The following ZFYVE9 variants were observed in gnomAD, a reference collection of about 807,000 sequenced individuals.
The protein encoded by ZFYVE9 is zinc finger FYVE-type containing 9.
Under a neutral mutation model 126.7 loss-of-function variants are expected in ZFYVE9, and 43 were observed. The observed-to-expected ratio is 0.34, with a 90% confidence interval of 0.27 to 0.44. The LOEUF (loss-of-function observed/expected upper bound fraction) is 0.44. Ranked by LOEUF, ZFYVE9 falls within the 20% of genes least tolerant of loss-of-function variation. The pLI is 1.00. For synonymous variants in ZFYVE9, 521 were observed against 597.4 expected, an observed-to-expected ratio of 0.87 and a Z score of 1.87; for missense variants, 1,476 against 1,697.0, an observed-to-expected ratio of 0.87 and a Z score of 2.29.
chr1:52,255,896 CTTTTTTCTT>C (rs1557483902), intron 4 of ZFYVE9, among the ~76,000 whole-genome samples: 1 of 137,128 alleles, frequency 7.3e-6, no homozygotes, highest in Non-Finnish European at 1.6e-5. Flanking sequence ...AGCTATTTTG[CTTTTTTCTT>C]TTCTTTTCTT....
At chr1:52,193,211 A>G (rs1463135646) in intron 1 of ZFYVE9, among the ~76,000 whole-genome samples, 1 of 151,804 alleles carries the variant, frequency 6.6e-6, no homozygotes, top group Non-Finnish European at 1.5e-5. Context: ...TAAAGCCTGC[A>G]CTCTTCATCA....
intron 10 of ZFYVE9, among the ~76,000 whole-genome samples, chr1:52,287,446 G>A (rs1645873045): frequency 6.6e-6 from 1 of 151,990 alleles, no homozygotes; most frequent in South Asian, 2.1e-4. Context: ...GTGTTGTTAT[G>A]GTTTCAATGT....
At chr1:52,251,206 G>A (rs781091796) in intron 4 of ZFYVE9, among the ~76,000 whole-genome samples, 7 of 151,972 alleles carry the variant, frequency 4.6e-5, no homozygotes, top group Non-Finnish European at 7.4e-5. Flanking sequence ...TGAGTAGTTG[G>A]GATTACAGGC....
At chr1:52,240,024 A>G (rs1645318164) in intron 4 of ZFYVE9, among the ~76,000 whole-genome samples, 1 of 152,230 alleles carries the variant, frequency 6.6e-6, no homozygotes, top group African/African-American at 2.4e-5. Flanking sequence ...GAAAAATATT[A>G]CACATAGAAT....
chr1:52,275,175 G>T (rs1042867195), intron 8 of ZFYVE9, among the ~76,000 whole-genome samples: 1 of 152,176 alleles, frequency 6.6e-6, no homozygotes, highest in Non-Finnish European at 1.5e-5. Flanking sequence ...CTGAGGTTTG[G>T]GTTATGATTG....
chr1:52,340,352 C>T (rs761858296), intron 17 of ZFYVE9, 121 bp downstream of exon 17: 30 of 692,312 alleles, frequency 4.3e-5, no homozygotes, highest in Middle Eastern at 2.4e-4. Context: ...AAAAATCTTT[C>T]TCGTTTATAC....
At chr1:52,144,879 G>A (rs1341653911) in intron 1 of ZFYVE9, among the ~76,000 whole-genome samples, 1 of 152,038 alleles carries the variant, frequency 6.6e-6, no homozygotes, top group African/African-American at 2.4e-5. Context: ...ACCTTGCGAG[G>A]CTTTTAGGAT....
intron 10 of ZFYVE9, among the ~76,000 whole-genome samples, chr1:52,283,093 A>G (rs910503930): frequency 6.6e-6 from 1 of 152,158 alleles, no homozygotes; most frequent in Non-Finnish European, 1.5e-5. Context: ...TCCAAAATGT[A>G]TAGGGTTAAA....
chr1:52,175,991 C>G (rs1307889768), intron 1 of ZFYVE9, among the ~76,000 whole-genome samples: 4 of 152,234 alleles, frequency 2.6e-5, no homozygotes, highest in Non-Finnish European at 5.9e-5. Flanking sequence ...CTTCTTCTCT[C>G]AGCTCGTCAA....
chr1:52,254,204 A>G, intron 4 of ZFYVE9: 1 of 497,974 alleles, frequency 2.0e-6, no homozygotes, highest in Non-Finnish European at 3.6e-6. Context: ...TATGGAAGTC[A>G]TTAAACGTAT....
chr1:52,217,621 C>G (rs1299909662), intron 2 of ZFYVE9, among the ~76,000 whole-genome samples: 1 of 152,210 alleles, frequency 6.6e-6, no homozygotes, highest in East Asian at 1.9e-4. Flanking sequence ...AGGATGAGTA[C>G]ATCTTTAACA....
chr1:52,216,178 T>C lies in ZFYVE9; in HGVS notation c.-142-191T>C, dbSNP rs76944505. Among the ~76,000 whole-genome samples the C allele has an allele frequency of 7.0e-3, 1,067 of 152,354 alleles. 13 individuals carry two copies. The highest frequency in any genetic ancestry group is 0.024 in the African/African-American group (1,015 of 41,584). ...TCTTCTTCATTGAAACATTTAACTTTTGGCCTTTCAGACAATAAAATGTCT... is the reference window on the plus strand; with the variant it reads ...TCTTCTTCATTGAAACATTTAACTTCTGGCCTTTCAGACAATAAAATGTCT... On this transcript the variant is annotated intron_variant, in intron 1 of 18. Transcript: ENST00000287727.
chr1:52,202,222 T>G (rs891487928), intron 1 of ZFYVE9, among the ~76,000 whole-genome samples: 20 of 152,188 alleles, frequency 1.3e-4, no homozygotes, highest in Non-Finnish European at 2.6e-4. Flanking sequence ...TTTAGGTTTC[T>G]TAGGATAAAT....
At chr1:52,220,720 T>C (rs1645116544) in intron 2 of ZFYVE9, among the ~76,000 whole-genome samples, 1 of 152,162 alleles carries the variant, frequency 6.6e-6, no homozygotes, top group Non-Finnish European at 1.5e-5. Context: ...AGCATTTCCC[T>C]TCCATCTGGT....
At chr1:52,342,798 C>T (rs1479793261) in intron 17 of ZFYVE9, among the ~76,000 whole-genome samples, 2 of 152,210 alleles carry the variant, frequency 1.3e-5, no homozygotes, top group African/African-American at 2.4e-5. Flanking sequence ...TCCCAAAGTA[C>T]TGGGATTACA....
At chr1:52,167,916 T>G (rs1263866079) in intron 1 of ZFYVE9, among the ~76,000 whole-genome samples, 1 of 152,188 alleles carries the variant, frequency 6.6e-6, no homozygotes, top group African/African-American at 2.4e-5. Context: ...TTCTGTAGCT[T>G]TTTGGAGAAA....
chr1:52,233,601 A>G (rs1287189863), intron 3 of ZFYVE9, among the ~76,000 whole-genome samples: 4 of 152,204 alleles, frequency 2.6e-5, no homozygotes, highest in Non-Finnish European at 4.4e-5. Flanking sequence ...GAACTACCCT[A>G]TACAATGAAT....
intron 1 of ZFYVE9, among the ~76,000 whole-genome samples, chr1:52,209,292 T>C (rs1010841437): frequency 2.0e-5 from 3 of 151,936 alleles, no homozygotes; most frequent in Non-Finnish European, 4.4e-5. Flanking sequence ...TTGGAGAGGG[T>C]TCAAGGCTTA....
intron 5 of ZFYVE9, among the ~76,000 whole-genome samples, chr1:52,265,879 A>T (rs529571082): frequency 6.6e-6 from 1 of 152,204 alleles, no homozygotes; most frequent in East Asian, 1.9e-4. Flanking sequence ...GAGTTATTCT[A>T]TTTTAGCCCC....
Sources: gnomAD v4.1 joint callset for allele counts (sites outside exome capture counted in the v4.1 genomes callset) on GRCh38, gnomAD v4.1.1 for gene constraint, MANE v1.5 for transcripts, NCBI Gene and HGNC (gene_info 2026-07-23, HGNC 2026-07-21) for gene names.